Variants in GRIA4 observed in about 807,000 individuals in gnomAD.
GRIA4 encodes glutamate ionotropic receptor AMPA type subunit 4.
In GRIA4, 34 loss-of-function variants were observed where a neutral mutation model predicts 104.0. The observed-to-expected ratio is 0.33, with a 90% CI of 0.25 to 0.44. GRIA4 has a LOEUF of 0.44. GRIA4 is among the 20% of genes least tolerant of loss of function. The pLI is 1.00. For synonymous variants in GRIA4, 386 were observed against 381.9 expected (o/e 1.01, Z -0.13); for missense variants, 750 against 1,096.5 (o/e 0.68, Z 4.46).
chr11:105,781,595 T>C (rs75146388), intron 4 of GRIA4, among the ~76,000 whole-genome samples: 1 of 152,138 alleles, frequency 6.6e-6, no homozygotes, highest in Admixed American at 6.6e-5. Flanking sequence ...AATGCATCTA[T>C]ATAGAGTACG....
In GRIA4 at chr11:105,757,020, C is replaced by A. The variant is rs144135999; in HGVS notation, c.487+3800C>A. Among the ~76,000 whole-genome samples the A allele has an allele frequency of 6.9e-3, 1,052 of 152,208 alleles. 22 individuals carry two copies. The highest frequency in any genetic ancestry group is 0.024 in the African/African-American group (1,013 of 41,530). On this transcript the variant is annotated intron_variant, in intron 4 of 16. Transcript: ENST00000282499. ...TACAGGTATAAAAATAACAATGGAG[C>A]TTCCTATGGAAATTCTCACTTGTAA... is the stretch of plus-strand genomic sequence containing the variant.
At chr11:105,865,019 A>T (rs1430910550) in intron 5 of GRIA4, among the ~76,000 whole-genome samples, 1 of 152,254 alleles carries the variant, frequency 6.6e-6, no homozygotes, top group Non-Finnish European at 1.5e-5. Context: ...ATGTTAATGG[A>T]AAACTGTGGT....
chr11:105,938,741 C>T (rs1948113787), intron 14 of GRIA4, among the ~76,000 whole-genome samples: 1 of 152,100 alleles, frequency 6.6e-6, no homozygotes, highest in Non-Finnish European at 1.5e-5. Context: ...GATATGCTTA[C>T]AAGAGCTACC....
chr11:105,862,283 C>A (rs776878598), intron 5 of GRIA4, 75 bp downstream of exon 5: 6 of 772,842 alleles, frequency 7.8e-6, no homozygotes, highest in Non-Finnish European at 4.3e-6. Context: ...TTGTCCCCAT[C>A]AACATCTTCT....
At position 105,795,382 on chromosome 11, in the gene GRIA4, T is replaced by C. The variant is rs143667575; in HGVS notation, c.487+42162T>C. On this transcript the variant is annotated intron_variant, in intron 4 of 16. Coordinates refer to ENST00000282499, the MANE Select transcript of GRIA4 (RefSeq NM_000829.4). ...GTAGTTCAGAGTGGTCTTCTAAGGA[T>C]TCATGGAGAAGTCATGCCTTGGCTC... Among the ~76,000 whole-genome samples the C allele has an allele frequency of 7.2e-5, 11 of 152,208 alleles. No homozygotes were observed. In the East Asian group the frequency reaches 2.1e-3, roughly 29 times the overall value.
At chr11:105,742,830 G>C (rs59209066) in intron 3 of GRIA4, among the ~76,000 whole-genome samples, 4,596 of 152,076 alleles carry the variant, frequency 0.03, 185 homozygotes, top group African/African-American at 0.091. Flanking sequence ...TCCACCTCCC[G>C]GGTTCAAGCG....
chr11:105,770,220 T>A (rs2135740614), intron 4 of GRIA4, among the ~76,000 whole-genome samples: 1 of 152,178 alleles, frequency 6.6e-6, no homozygotes, highest in African/African-American at 2.4e-5. Flanking sequence ...ACGTCCCCAG[T>A]TTGAAAACAG....
At chr11:105,936,616 GT>G (rs1948045985) in intron 14 of GRIA4, among the ~76,000 whole-genome samples, 1 of 152,188 alleles carries the variant, frequency 6.6e-6, no homozygotes, top group South Asian at 2.1e-4. Flanking sequence ...GGTCTAGGGA[GT>G]TTTAAATTTC....
At chr11:105,863,802 C>G (rs549432427) in intron 5 of GRIA4, among the ~76,000 whole-genome samples, 2 of 152,218 alleles carry the variant, frequency 1.3e-5, no homozygotes, top group East Asian at 3.9e-4. Context: ...GCTTAAAAGA[C>G]CAAGTCTGGA....
intron 4 of GRIA4, chr11:105,797,630 A>T: frequency 7.8e-6 from 2 of 256,768 alleles, no homozygotes; most frequent in South Asian, 7.1e-5. Context: ...TTGTTCTCAT[A>T]ATCTGGCTAA....
intron 14 of GRIA4, among the ~76,000 whole-genome samples, chr11:105,951,838 G>A (rs1251551558): frequency 3.3e-5 from 5 of 151,954 alleles, no homozygotes; most frequent in East Asian, 1.9e-4. Context: ...TGCACTTGCA[G>A]TCAATCTTAG....
At chr11:105,838,659 T>C (rs1742327760) in intron 4 of GRIA4, among the ~76,000 whole-genome samples, 1 of 152,196 alleles carries the variant, frequency 6.6e-6, no homozygotes. Context: ...GGACACAAGC[T>C]TTTTCTCATA....
intron 10 of GRIA4, chr11:105,912,031 GA>G (rs1460946833): frequency 8.4e-7 from 1 of 1,188,452 alleles, no homozygotes; most frequent in Non-Finnish European, 1.1e-6. Context: ...ACCAACTCTG[GA>G]CTACCAGAAA....
At chr11:105,879,227 T>C (rs570825941) in intron 5 of GRIA4, among the ~76,000 whole-genome samples, 1 of 152,266 alleles carries the variant, frequency 6.6e-6, no homozygotes, top group Non-Finnish European at 1.5e-5. Context: ...GCACCCACTG[T>C]CTAACCAGTC....
Position 105,847,037 on chromosome 11 carries a change from G to A in GRIA4, c.488-14987G>A, listed in dbSNP as rs531581885. 2.4e-3 allele frequency among the ~76,000 whole-genome samples: 359 copies of A among 151,852 alleles called. 3 individuals are homozygous for A. Among genetic ancestry groups the A allele is most frequent in the African/African-American group, 8.3e-3 (343 of 41,408 alleles). ...AGACAATTTTTCCAGGAAAATTGGG[G>A]GGATGAAACTGTTCCACCTCAGATC... is the stretch of plus-strand genomic sequence containing the variant. On this transcript the variant is annotated intron_variant, in intron 4 of 16. Coordinates refer to ENST00000282499, the MANE Select transcript of GRIA4 (RefSeq NM_000829.4).
chr11:105,839,774 T>C (rs1247392927), intron 4 of GRIA4, among the ~76,000 whole-genome samples: 2 of 152,096 alleles, frequency 1.3e-5, no homozygotes, highest in Admixed American at 1.3e-4. Flanking sequence ...AGTTCATTAA[T>C]AGTGGCTGAT....
chr11:105,974,703 T>C lies in GRIA4; in HGVS notation c.2544+259T>C, dbSNP rs1858887566. 9 of 707,096 alleles carry C rather than the reference T, an allele frequency of 1.3e-5. No individual in the cohort carries two copies. In the East Asian group the frequency reaches 2.5e-4, roughly 20 times the overall value. 43.8% of individuals were successfully genotyped at this position (707,096 alleles called of 1,614,324 possible). Reference sequence around the variant, plus strand: ...TCAGTGCAAATTGGTTCGGTTTTCTTTGGCTGCAGATGTACTGTTTGAAAC... The same window carrying C: ...TCAGTGCAAATTGGTTCGGTTTTCTCTGGCTGCAGATGTACTGTTTGAAAC... On this transcript the variant is annotated intron_variant, in intron 16 of 16. Transcript: ENST00000282499.
chr11:105,908,954 C>A (rs1350258093), intron 9 of GRIA4, among the ~76,000 whole-genome samples: 1 of 151,984 alleles, frequency 6.6e-6, no homozygotes, highest in Non-Finnish European at 1.5e-5. Flanking sequence ...GACTTAAGTA[C>A]ACATAAGAAT....
At chr11:105,966,788 T>C (rs1858391959) in intron 14 of GRIA4, among the ~76,000 whole-genome samples, 1 of 152,156 alleles carries the variant, frequency 6.6e-6, no homozygotes, top group African/African-American at 2.4e-5. Context: ...TTCTTCACTA[T>C]ATATCAGTAT....
Sources: allele counts gnomAD v4.1 joint callset (sites outside exome capture counted in the v4.1 genomes callset), GRCh38; gene constraint gnomAD v4.1.1; transcripts MANE v1.5; gene names NCBI Gene and HGNC (gene_info 2026-07-23, HGNC 2026-07-21).